Variants in RIMS2 observed in about 807,000 individuals in gnomAD.
RIMS2 encodes the protein regulating synaptic membrane exocytosis 2.
In RIMS2, 59 loss-of-function variants were observed where a neutral mutation model predicts 174.4. The ratio of observed to expected loss-of-function variants is 0.34; its 90% CI spans 0.27 to 0.42. The LOEUF is 0.42. Ranked by LOEUF, RIMS2 falls within the 10% of genes least tolerant of loss-of-function variation. The pLI is 1.00. For synonymous variants in RIMS2, 606 were observed against 572.5 expected, an observed-to-expected ratio of 1.06 and a Z score of -0.84; for missense variants, 1,620 against 1,666.3, an observed-to-expected ratio of 0.97 and a Z score of 0.48.
In RIMS2 at chr8:104,244,892, C is replaced by G. The variant is rs756714189; in HGVS notation, c.3335-24C>G. ...CCACATAGTGATTACAAAGCTGTTA[C>G]ACTTTTTGTTTCTATCTCTGCAGAA... On this transcript the variant is annotated intron_variant, in intron 19 of 23. Transcript: ENST00000504942. 3.7e-6 allele frequency: 6 copies of G among 1,603,284 alleles called. No individual in the cohort carries two copies. In the East Asian group the frequency reaches 1.1e-4, roughly 30 times the overall value.
rs71575985 is a variant in RIMS2 at position 103,812,331 on chromosome 8, GTTTTTTTTTTTT to G, written c.698+45806_698+45817del. Among the ~76,000 whole-genome samples the G allele has an allele frequency of 2.1e-4, 23 of 111,644 alleles. No homozygotes were observed. The East Asian group carries it at 2.1e-3, about 10-fold the overall frequency. The allele number at this position is 111,644 out of a possible 152,430, so 73.2% of individuals were successfully genotyped here. A position where few individuals can be genotyped will look rare whatever the true frequency, so the allele number is the denominator to read the frequency against. The stretch of plus-strand genomic sequence containing the variant: ...GGTCAAATTATTACCTTATTACCTT[GTTTTTTTTTTTT>G]TTTTTTTTTTTGTTGTTGTTTTTGA... On this transcript the variant is annotated intron_variant, in intron 3 of 23. Coordinates refer to ENST00000504942, the Ensembl canonical transcript of RIMS2.
intron 19 of RIMS2, among the ~76,000 whole-genome samples, chr8:104,061,575 T>A (rs1194466333): frequency 6.6e-6 from 1 of 150,632 alleles, no homozygotes; most frequent in East Asian, 1.9e-4. Context: ...TGTATCAGTC[T>A]TCAAATCTTT....
chr8:104,008,163 G>A (rs1474004617), intron 17 of RIMS2, among the ~76,000 whole-genome samples: 1 of 152,056 alleles, frequency 6.6e-6, no homozygotes, highest in Non-Finnish European at 1.5e-5. Context: ...TCTGGGAAGT[G>A]ATAAAGTAGG....
At chr8:104,188,418 A>G (rs999569132) in intron 19 of RIMS2, among the ~76,000 whole-genome samples, 1 of 151,736 alleles carries the variant, frequency 6.6e-6, no homozygotes, top group African/African-American at 2.4e-5. Context: ...ATTGCTATGT[A>G]TAATTCAAAA....
chr8:103,501,166 CTGG>C, intron 1 of RIMS2, 104 bp downstream of exon 1: 1 of 893,038 alleles, frequency 1.1e-6, no homozygotes, highest in South Asian at 3.2e-5. Context: ...CTCCCTCCCG[CTGG>C]CGGCGCCCAG....
intron 2 of RIMS2, among the ~76,000 whole-genome samples, chr8:103,758,262 A>C (rs1266567003): frequency 6.6e-6 from 1 of 152,114 alleles, no homozygotes; most frequent in Non-Finnish European, 1.5e-5. Flanking sequence ...TGGGATCTCC[A>C]GTTCAGAACC....
intron 19 of RIMS2, among the ~76,000 whole-genome samples, chr8:104,231,909 C>T (rs545614824): frequency 2.6e-5 from 4 of 152,176 alleles, no homozygotes; most frequent in Non-Finnish European, 4.4e-5. Context: ...TCAGTAGCTA[C>T]GTATGACTAG....
At chr8:103,652,552 T>G in intron 1 of RIMS2, 72 bp from the exon 3 acceptor site, 1 of 773,472 alleles carries the variant, frequency 1.3e-6, no homozygotes, top group African/African-American at 1.8e-5. Flanking sequence ...ATTTTTATTA[T>G]GGATAAGAAA....
intron 4 of RIMS2, among the ~76,000 whole-genome samples, chr8:103,894,890 C>G (rs1225683394): frequency 6.6e-6 from 1 of 151,490 alleles, no homozygotes; most frequent in Non-Finnish European, 1.5e-5. Context: ...GATTACAGTA[C>G]AGTATGCATT....
intron 3 of RIMS2, among the ~76,000 whole-genome samples, chr8:103,814,423 TA>T (rs879800034): frequency 3.2e-4 from 46 of 141,820 alleles, no homozygotes; most frequent in East Asian, 8.1e-4. Flanking sequence ...TTAAAAAAAC[TA>T]AAAAAAAAAA....
intron 4 of RIMS2, among the ~76,000 whole-genome samples, chr8:103,887,575 C>A (rs1044794444): frequency 2.0e-5 from 3 of 151,364 alleles, no homozygotes; most frequent in Admixed American, 6.6e-5. Context: ...CAAAAATATA[C>A]CAGATGGATG....
chr8:104,059,777 G>A (rs982729595), intron 19 of RIMS2, among the ~76,000 whole-genome samples: 27 of 152,102 alleles, frequency 1.8e-4, no homozygotes, highest in Non-Finnish European at 3.5e-4. Flanking sequence ...TTTTTAGCAT[G>A]AAGGGTTGTT....
chr8:104,014,436 G>T lies in RIMS2; in HGVS notation c.3225-70G>T, dbSNP rs2095847695. On this transcript the variant is annotated intron_variant, in intron 18 of 23. Transcript: ENST00000504942. The stretch of plus-strand genomic sequence containing the variant: ...AATTGTATTTATACAGCTATCATAT[G>T]AACCAAATGTAGGTATTAAAAATAT... The T allele has an allele frequency of 1.3e-5, 11 of 843,874 alleles. No individual in the cohort carries two copies. In the Middle Eastern group the frequency reaches 1.4e-3, roughly 104 times the overall value. 52.3% of individuals were successfully genotyped at this position (843,874 alleles called of 1,614,324 possible). A position where few individuals can be genotyped will look rare whatever the true frequency, so the allele number is the denominator to read the frequency against.
chr8:104,112,307 A>C (rs768461463), intron 19 of RIMS2, among the ~76,000 whole-genome samples: 4 of 152,214 alleles, frequency 2.6e-5, no homozygotes, highest in Non-Finnish European at 5.9e-5. Context: ...GATTTTAACA[A>C]ATAATAATGT....
chr8:103,995,488 C>T (rs931617722), intron 17 of RIMS2, among the ~76,000 whole-genome samples: 1 of 151,870 alleles, frequency 6.6e-6, no homozygotes, highest in Non-Finnish European at 1.5e-5. Flanking sequence ...GAATGGTGGG[C>T]ATTCTTGACA....
chr8:103,710,802 A>T (rs918698585), intron 2 of RIMS2, among the ~76,000 whole-genome samples: 6 of 152,264 alleles, frequency 3.9e-5, no homozygotes, highest in Non-Finnish European at 5.9e-5. Flanking sequence ...ATAATTTTAT[A>T]ATGGTTATAA....
chr8:103,529,710 C>T (rs984586752), intron 1 of RIMS2, among the ~76,000 whole-genome samples: 49 of 152,296 alleles, frequency 3.2e-4, no homozygotes, highest in African/African-American at 9.9e-4. Flanking sequence ...ACCCATCTTC[C>T]GTGTCGCTCA....
intron 2 of RIMS2, among the ~76,000 whole-genome samples, chr8:103,743,030 A>T (rs1484381959): frequency 6.6e-6 from 1 of 152,180 alleles, no homozygotes; most frequent in East Asian, 1.9e-4. Flanking sequence ...TTTATAAAGG[A>T]TGTCAGTTAA....
At chr8:104,185,189 G>A (rs1452845944) in intron 19 of RIMS2, among the ~76,000 whole-genome samples, 2 of 151,406 alleles carry the variant, frequency 1.3e-5, no homozygotes, top group Admixed American at 6.6e-5. Context: ...CTGAGAATAA[G>A]GCATACGATC....
Sources: gnomAD v4.1 joint callset for allele counts (sites outside exome capture counted in the v4.1 genomes callset) on GRCh38, gnomAD v4.1.1 for gene constraint, MANE v1.5 for transcripts, NCBI Gene and HGNC (gene_info 2026-07-23, HGNC 2026-07-21) for gene names.